PAFAH1B2: variants seen among roughly 807,000 people sequenced by gnomAD.
The protein encoded by PAFAH1B2 is platelet-activating factor acetylhydrolase IB subunit alpha2.
A neutral mutation model predicts 28.0 loss-of-function variants in PAFAH1B2; 8 were observed. That is an observed-to-expected ratio of 0.29 (90% CI 0.17 to 0.52). PAFAH1B2 has a LOEUF of 0.52. PAFAH1B2 is among the 20% of genes least tolerant of loss of function. The pLI, the probability that PAFAH1B2 is intolerant of heterozygous loss-of-function variation, is 0.97. For missense variants in PAFAH1B2, 190 were observed against 282.6 expected, an observed-to-expected ratio of 0.67 and a Z score of 2.35; for synonymous variants, 104 against 103.2, an observed-to-expected ratio of 1.01 and a Z score of -0.05.
At chr11:117,157,137 A>T (rs896857359) in intron 2 of PAFAH1B2, among the ~76,000 whole-genome samples, 2 of 152,012 alleles carry the variant, frequency 1.3e-5, no homozygotes, top group African/African-American at 4.8e-5. Flanking sequence ...ATTCTTTCTC[A>T]TATCTCCTCA....
chr11:117,144,395 G>A lies in PAFAH1B2; in HGVS notation c.-31G>A. On this transcript the variant is annotated 5_prime_UTR_variant, in exon 1 of 6. Coordinates refer to ENST00000527958, the MANE Select transcript of PAFAH1B2 (RefSeq NM_002572.4). ...ACCCGCCGACGCCTCAGCCGCTTGGGGCCCGCACGGACCCTCTACTTCAGT... is the reference window on the plus strand; with the variant it reads ...ACCCGCCGACGCCTCAGCCGCTTGGAGCCCGCACGGACCCTCTACTTCAGT... The A allele has an allele frequency of 2.4e-6, 1 of 410,174 alleles. No homozygotes were observed. The highest frequency in any genetic ancestry group is 1.7e-5 in the South Asian group (1 of 60,148). 25.4% of individuals were successfully genotyped at this position (410,174 alleles called of 1,614,324 possible).
intron 1 of PAFAH1B2, among the ~76,000 whole-genome samples, chr11:117,148,814 G>A (rs61905474): frequency 0.029 from 4,358 of 151,964 alleles, 89 homozygotes; most frequent in Non-Finnish European, 0.036. Flanking sequence ...AAGAGTGTGT[G>A]TATGCACCTC....
intron 1 of PAFAH1B2, among the ~76,000 whole-genome samples, chr11:117,150,108 T>G (rs539667444): frequency 6.6e-6 from 1 of 152,338 alleles, no homozygotes; most frequent in African/African-American, 2.4e-5. Flanking sequence ...AATAAACTTT[T>G]ATGTAGAAAG....
exon 6 of PAFAH1B2, chr11:117,176,075 G>C: frequency 1.3e-6 from 1 of 751,476 alleles, no homozygotes; most frequent in Non-Finnish European, 2.3e-6. Flanking sequence ...GCCTAGATGT[G>C]CTGGAAACAG....
chr11:117,156,571 G>C (rs769440152), intron 2 of PAFAH1B2, among the ~76,000 whole-genome samples: 3 of 152,164 alleles, frequency 2.0e-5, no homozygotes, highest in Non-Finnish European at 4.4e-5. Context: ...TAGTTACTAG[G>C]TTAAGGTGGT....
Position 117,165,029 on chromosome 11 carries a change from C to T in PAFAH1B2, c.411+1137C>T, listed in dbSNP as rs1349173586. Among the ~76,000 whole-genome samples the T allele has an allele frequency of 6.2e-5, 9 of 144,618 alleles. No individual in the cohort carries two copies. The East Asian group carries it at 1.1e-3, about 18-fold the overall frequency. 94.9% of individuals were successfully genotyped at this position (144,618 alleles called of 152,430 possible). A position where few individuals can be genotyped will look rare whatever the true frequency, so the allele number is the denominator to read the frequency against. On this transcript the variant is annotated intron_variant, in intron 5 of 5. Transcript: ENST00000527958. ...GGAGTGCAGTGGCATGATCTCGGCT[C>T]ACTGCAAGCTCGGCCTCCCAGGTTC...
rs1160904385 is a variant in PAFAH1B2 at position 117,161,276 on chromosome 11, A to T, written c.288+15A>T. 2.9e-6 allele frequency: 4 copies of T among 1,372,540 alleles called. No individual in the cohort carries two copies. Among genetic ancestry groups the T allele is most frequent in the Non-Finnish European group, 3.0e-6 (3 of 995,908 alleles). The allele number at this position is 1,372,540 out of a possible 1,614,324, so 85.0% of individuals were successfully genotyped here. On this transcript the variant is annotated intron_variant, in intron 4 of 5. Coordinates refer to ENST00000527958, the MANE Select transcript of PAFAH1B2 (RefSeq NM_002572.4). ...TTAAGCCTAAGGTGAAATGAAAGTT[A>T]CTTGTCAATGTCATTAATCTTAAGT... is the stretch of plus-strand genomic sequence containing the variant.
chr11:117,153,959 A>G (rs553335674), intron 2 of PAFAH1B2, among the ~76,000 whole-genome samples: 19 of 150,260 alleles, frequency 1.3e-4, no homozygotes, highest in African/African-American at 4.6e-4. Context: ...GGCAGTATAC[A>G]GTGGCTCATG....
At position 117,168,084 on chromosome 11, in the gene PAFAH1B2, A is replaced by G. The variant is rs1956553541; in HGVS notation, c.*385A>G. ...GTCATATATAATAATTATCAGAATC[A>G]TTCTACTTGGCTTTAAAACATGTTT... is the stretch of plus-strand genomic sequence containing the variant. On this transcript the variant is annotated 3_prime_UTR_variant, in exon 6 of 6. Transcript: ENST00000527958. 1.8e-5 allele frequency: 19 copies of G among 1,056,878 alleles called. No homozygotes were observed. Among genetic ancestry groups the G allele is most frequent in the Non-Finnish European group, 2.2e-5 (19 of 872,990 alleles). The allele number at this position is 1,056,878 out of a possible 1,614,324, so 65.5% of individuals were successfully genotyped here. A position where few individuals can be genotyped will look rare whatever the true frequency, so the allele number is the denominator to read the frequency against.
chr11:117,155,217 A>G (rs1448628196), intron 2 of PAFAH1B2, among the ~76,000 whole-genome samples: 1 of 151,144 alleles, frequency 6.6e-6, no homozygotes, highest in African/African-American at 2.5e-5. Context: ...AGCCTCCCAA[A>G]ATGCTGGGAT....
rs551607965 is a variant in PAFAH1B2, at chr11:117,168,324, T to G, written c.*625T>G. On this transcript the variant is annotated 3_prime_UTR_variant, in exon 6 of 6. Transcript: ENST00000527958. ...ACAGGTTTTGCCCCAGTAGAGGGAT[T>G]CTTTGGAGGGTATTATTTTTTATGC... 1 of 1,064,534 alleles carries G rather than the reference T, an allele frequency of 9.4e-7. No homozygotes were observed. The highest frequency in any genetic ancestry group is 4.6e-5 in the South Asian group (1 of 21,966). 65.9% of individuals were successfully genotyped at this position (1,064,534 alleles called of 1,614,324 possible).
At chr11:117,171,704 A>C (rs765663499), downstream of PAFAH1B2, 1 of 1,535,828 alleles carries the variant, frequency 6.5e-7, no homozygotes, top group Admixed American at 2.0e-5. Context: ...ATCGGGACCT[A>C]TCCTGATGAC....
intron 4 of PAFAH1B2, among the ~76,000 whole-genome samples, chr11:117,162,544 C>T (rs1956399088): frequency 1.4e-5 from 2 of 148,130 alleles, no homozygotes; most frequent in Non-Finnish European, 3.0e-5. Flanking sequence ...GCACGCAGAT[C>T]ACTTGAGGCT....
downstream of PAFAH1B2, among the ~76,000 whole-genome samples, chr11:117,172,377 TATATATATATATATATATATA>T (rs1956678248): frequency 3.6e-3 from 9 of 2,504 alleles, no homozygotes; most frequent in East Asian, 0.014. Context: ...TATATATATA[TATATATATATATATATATATA>T]TATATATTTT....
rs1165362382 is a variant in PAFAH1B2 at position 117,167,609 on chromosome 11, G to A, written c.600G>A (p.Gly200=). ...DMFDFLHLTG[G]GYAKICKPLH... is the part of the protein sequence containing the mutation. ...TTGATTTTCTGCATCTGACAGGAGG[G>A]GGCTATGCAAAGATCTGCAAACCCC... Residue 200 remains glycine, a synonymous_variant, in exon 6 of 6, where the codon GGG becomes GGA. Coordinates refer to ENST00000527958, the MANE Select transcript of PAFAH1B2 (RefSeq NM_002572.4). 6.8e-6 allele frequency: 11 copies of A among 1,611,912 alleles called. No individual in the cohort carries two copies. The East Asian group carries it at 2.5e-4, about 36-fold the overall frequency.
chr11:117,155,112 C>G (rs1956230550), intron 2 of PAFAH1B2, among the ~76,000 whole-genome samples: 1 of 152,072 alleles, frequency 6.6e-6, no homozygotes, highest in African/African-American at 2.4e-5. Context: ...ACCTCCATGC[C>G]CGGCTAATTT....
At chr11:117,159,865 T>G (rs1871757) in intron 2 of PAFAH1B2, 69 bp from the exon 3 acceptor site, 1 of 1,119,372 alleles carries the variant, frequency 8.9e-7, no homozygotes, top group South Asian at 1.2e-5. Context: ...TGTTGAGAGT[T>G]CAAGCATGGG....
chr11:117,157,060 T>G (rs1469148544), intron 2 of PAFAH1B2, among the ~76,000 whole-genome samples: 2 of 151,162 alleles, frequency 1.3e-5, no homozygotes, highest in Non-Finnish European at 2.9e-5. Context: ...AGAAAGGTAG[T>G]TGGTACTACA....
At chr11:117,176,339 C>T in exon 6 of PAFAH1B2, 1 of 281,920 alleles carries the variant, frequency 3.5e-6, no homozygotes, top group Non-Finnish European at 6.6e-6. Context: ...AGCATAACTA[C>T]AACAGTACCT....
Sources: gnomAD v4.1 joint callset for allele counts (sites outside exome capture counted in the v4.1 genomes callset) on GRCh38, gnomAD v4.1.1 for gene constraint, MANE v1.5 for transcripts, NCBI Gene and HGNC (gene_info 2026-07-23, HGNC 2026-07-21) for gene names.